STAT1: variants seen among roughly 807,000 people sequenced by gnomAD.
STAT1 encodes the protein signal transducer and activator of transcription 1, also known as signal transducer and activator of transcription 1-alpha/beta.
A neutral mutation model predicts 111.7 loss-of-function variants in STAT1; 24 were observed. That is an observed-to-expected ratio of 0.21 (90% CI 0.16 to 0.30). STAT1 has a LOEUF of 0.30. STAT1 is among the 10% of genes least tolerant of loss of function. The pLI, the probability that STAT1 is intolerant of heterozygous loss-of-function variation, is 1.00. For synonymous variants in STAT1, 332 were observed against 326.5 expected (o/e 1.02, Z -0.18); for missense variants, 351 against 911.9 (o/e 0.38, Z 7.92).
rs1017141035 is a variant in STAT1, at chr2:191,004,712, T to A, written c.372+2851A>T. On this transcript the variant is annotated intron_variant, in intron 5 of 24. Coordinates refer to ENST00000361099, the MANE Select transcript of STAT1 (RefSeq NM_007315.4). This position sits in a 1 kb window ranked among gnomAD's most constrained non-coding sequence, Gnocchi z 5.0. Reference sequence around the variant, plus strand: ...AACTTCAGTGATAGTTTCGAAAGTATTTACTCAAATGAAATAATGTTTATA... The same window carrying A: ...AACTTCAGTGATAGTTTCGAAAGTAATTACTCAAATGAAATAATGTTTATA... 6.6e-6 allele frequency among the ~76,000 whole-genome samples: 1 copy of A among 152,324 alleles called. No individual in the cohort carries two copies. The highest frequency in any genetic ancestry group is 2.1e-4 in the South Asian group (1 of 4,826).
chr2:190,974,870 T>C lies in STAT1; in HGVS notation c.2198A>G (p.Glu733Gly). The C allele has an allele frequency of 6.2e-7, 1 of 1,614,202 alleles. No homozygotes were observed. Among genetic ancestry groups the C allele is most frequent in the Non-Finnish European group, 8.5e-7 (1 of 1,180,010 alleles). The change falls in exon 24 of 25, where the codon GAG (glutamate) becomes GGG (glycine). Residue 733 changes from glutamate (E) to glycine (G), a missense_variant. Around this residue, in one of 7 missense-constraint regions of STAT1, gnomAD observed 181 missense variants for 426.1 expected, o/e 0.42. Coordinates refer to ENST00000361099, the MANE Select transcript of STAT1 (RefSeq NM_007315.4). The surrounding 1 kb of genome is among the most constrained non-coding windows in gnomAD (Gnocchi z 4.8). Reference sequence around the variant, plus strand: ...TACAGAGCCCACTATCCGAGACACCTCGTCAAACTCCTCAGGAGACATGGG... The same window carrying C: ...TACAGAGCCCACTATCCGAGACACCCCGTCAAACTCCTCAGGAGACATGGG... ...LLPMSPEEFD[E>G]VSRIVGSVEF...
chr2:190,971,624 T>C lies in STAT1; in HGVS notation c.2239-907A>G, dbSNP rs560111155. On this transcript the variant is annotated intron_variant, in intron 24 of 24. Coordinates refer to ENST00000361099, the MANE Select transcript of STAT1 (RefSeq NM_007315.4). This position sits in a 1 kb window ranked among gnomAD's most constrained non-coding sequence, Gnocchi z 4.1. The stretch of plus-strand genomic sequence containing the variant: ...ATAGTGTGTGGTACATAGTGGGCTC[T>C]TAGGAAAATTATTTTGGATTGAAAA... Among the ~76,000 whole-genome samples the C allele has an allele frequency of 6.6e-6, 1 of 152,310 alleles. No individual in the cohort carries two copies. Among genetic ancestry groups the C allele is most frequent in the South Asian group, 2.1e-4 (1 of 4,820 alleles).
rs1693802172 is a variant in STAT1, at chr2:190,995,698, G to A, written c.786-479C>T. Among the ~76,000 whole-genome samples the A allele has an allele frequency of 6.6e-6, 1 of 152,218 alleles. No individual in the cohort carries two copies. The highest frequency in any genetic ancestry group is 1.5e-5 in the Non-Finnish European group (1 of 68,042). ...TGCAACACAAAATGTCACCTAGGAT[G>A]CCATGCTCTGCCCTCTAGGGAAAAA... On this transcript the variant is annotated intron_variant, in intron 9 of 24. Coordinates refer to ENST00000361099, the MANE Select transcript of STAT1 (RefSeq NM_007315.4). This position sits in a 1 kb window ranked among gnomAD's most constrained non-coding sequence, Gnocchi z 4.2.
chr2:191,008,632 T>C (rs1022372781), intron 4 of STAT1, among the ~76,000 whole-genome samples: 1 of 152,256 alleles, frequency 6.6e-6, no homozygotes, highest in Non-Finnish European at 1.5e-5. Context: ...CTATAGATCA[T>C]TGCTCTTAAA....
chr2:191,010,473 T>C (rs538637250), intron 2 of STAT1: 7 of 410,642 alleles, frequency 1.7e-5, no homozygotes, highest in African/African-American at 1.0e-4. Context: ...AACCACATAG[T>C]AGGTATCCAA....
Position 190,970,681 on chromosome 2 carries a change from G to A in STAT1, c.*22C>T. ...GATGAGAAGGAAAACTGTCGCCAGA[G>A]AAGATGAAAAAAATTCATGCTCTAT... On this transcript the variant is annotated 3_prime_UTR_variant, in exon 25 of 25. Transcript: ENST00000361099. The surrounding 1 kb of genome is among the most constrained non-coding windows in gnomAD (Gnocchi z 5.4). The A allele has an allele frequency of 1.2e-6, 2 of 1,612,618 alleles. No homozygotes were observed. The highest frequency in any genetic ancestry group is 1.1e-5 in the South Asian group (1 of 91,066).
rs1691804308 is a variant in STAT1 at position 190,975,097 on chromosome 2, T to C, written c.2136-165A>G. On this transcript the variant is annotated intron_variant, in intron 23 of 24. Coordinates refer to ENST00000361099, the MANE Select transcript of STAT1 (RefSeq NM_007315.4). This position sits in a 1 kb window ranked among gnomAD's most constrained non-coding sequence, Gnocchi z 5.9. ...AATACATTTGCAAAAGTACAGCTCA[T>C]GGGAGGCTCATGTCCCCAGCCCAGC... 6.6e-6 allele frequency among the ~76,000 whole-genome samples: 1 copy of C among 152,244 alleles called. No homozygotes were observed. Among genetic ancestry groups the C allele is most frequent in the Non-Finnish European group, 1.5e-5 (1 of 68,038 alleles).
rs778622630 is a variant in STAT1, at chr2:190,989,585, G to A, written c.1097+30C>T. 3.1e-6 allele frequency: 4 copies of A among 1,277,046 alleles called. No individual in the cohort carries two copies. The highest frequency in any genetic ancestry group is 3.0e-5 in the African/African-American group (2 of 66,948). The allele number at this position is 1,277,046 out of a possible 1,614,324, so 79.1% of individuals were successfully genotyped here. On this transcript the variant is annotated intron_variant, in intron 12 of 24. Transcript: ENST00000361099. This position sits in a 1 kb window ranked among gnomAD's most constrained non-coding sequence, Gnocchi z 5.0. The stretch of plus-strand genomic sequence containing the variant: ...CAAAATCAACATTTCAATAGTACAT[G>A]TATGTTATATAATGTTAAAGATATC...
chr2:190,994,485 A>G (rs1342953144), intron 10 of STAT1, among the ~76,000 whole-genome samples: 1 of 151,764 alleles, frequency 6.6e-6, no homozygotes, highest in Non-Finnish European at 1.5e-5. Context: ...GGAGAGGAGG[A>G]GGTGAGGCAT....
At position 190,993,609 on chromosome 2, in the gene STAT1, T is replaced by C. The variant is rs1693569022; in HGVS notation, c.944+1452A>G. 3.4e-6 allele frequency: 2 copies of C among 584,198 alleles called. No individual in the cohort carries two copies. The highest frequency in any genetic ancestry group is 1.9e-5 in the African/African-American group (1 of 53,800). 36.2% of individuals were successfully genotyped at this position (584,198 alleles called of 1,614,324 possible). ...CCGCTGCCACGGCCACCCTTGCTGC[T>C]ACAGCTGCTGCCCTGACTCTCTGCA... is the stretch of plus-strand genomic sequence containing the variant. On this transcript the variant is annotated intron_variant, in intron 10 of 24. Coordinates refer to ENST00000361099, the MANE Select transcript of STAT1 (RefSeq NM_007315.4). This position sits in a 1 kb window ranked among gnomAD's most constrained non-coding sequence, Gnocchi z 4.1.
chr2:190,995,300 G>T lies in STAT1; in HGVS notation c.786-81C>A. On this transcript the variant is annotated intron_variant, in intron 9 of 24. Transcript: ENST00000361099. The surrounding 1 kb of genome is among the most constrained non-coding windows in gnomAD (Gnocchi z 4.2). Reference sequence around the variant, plus strand: ...GATTAAAGGGAATCATGGTATATTAGTCCATTCTCATGCTGCTAATAAAGA... The same window carrying T: ...GATTAAAGGGAATCATGGTATATTATTCCATTCTCATGCTGCTAATAAAGA... 2.2e-6 allele frequency: 3 copies of T among 1,370,860 alleles called. No homozygotes were observed. Among genetic ancestry groups the T allele is most frequent in the South Asian group, 1.2e-5 (1 of 86,182 alleles). 84.9% of individuals were successfully genotyped at this position (1,370,860 alleles called of 1,614,324 possible).
chr2:190,986,963 A>C lies in STAT1; in HGVS notation c.1128-16T>G. 2 of 1,613,800 alleles carry C rather than the reference A, an allele frequency of 1.2e-6. No homozygotes were observed. The highest frequency in any genetic ancestry group is 1.3e-5 in the African/African-American group (1 of 75,060). ...CTTCCTAAATCTATACAATATAGGA[A>C]AGAAATGCTGAAAAGTCTTCCAACT... is the stretch of plus-strand genomic sequence containing the variant. On this transcript the variant is annotated splice_polypyrimidine_tract_variant and intron_variant, in intron 13 of 24. Coordinates refer to ENST00000361099, the MANE Select transcript of STAT1 (RefSeq NM_007315.4). The surrounding 1 kb of genome is among the most constrained non-coding windows in gnomAD (Gnocchi z 5.0).
In STAT1 at chr2:191,007,721, T is replaced by C; in HGVS notation, c.274-60A>G. The C allele has an allele frequency of 8.1e-7, 1 of 1,230,480 alleles. No individual in the cohort carries two copies. The highest frequency in any genetic ancestry group is 1.2e-6 in the Non-Finnish European group (1 of 836,476). 76.2% of individuals were successfully genotyped at this position (1,230,480 alleles called of 1,614,324 possible). The stretch of plus-strand genomic sequence containing the variant: ...AATGCAGAATGTTTACTTTATTGTG[T>C]ATTGTAAGTTGATATGAATTTGTTT... On this transcript the variant is annotated intron_variant, in intron 4 of 24. Transcript: ENST00000361099. This position sits in a 1 kb window ranked among gnomAD's most constrained non-coding sequence, Gnocchi z 4.2.
chr2:190,975,945 C>T lies in STAT1; in HGVS notation c.2060-58G>A. ...CAACCGAAATTCCATCAGAATACAA[C>T]ATCAACTTTTCGGGGGGATTAAAGT... On this transcript the variant is annotated intron_variant, in intron 22 of 24. Coordinates refer to ENST00000361099, the MANE Select transcript of STAT1 (RefSeq NM_007315.4). This position sits in a 1 kb window ranked among gnomAD's most constrained non-coding sequence, Gnocchi z 5.9. 1.4e-6 allele frequency: 2 copies of T among 1,454,670 alleles called. No homozygotes were observed. The highest frequency in any genetic ancestry group is 1.9e-6 in the Non-Finnish European group (2 of 1,036,878). 90.1% of individuals were successfully genotyped at this position (1,454,670 alleles called of 1,614,324 possible). A position where few individuals can be genotyped will look rare whatever the true frequency, so the allele number is the denominator to read the frequency against.
At chr2:190,992,413 C>T (rs1336537546) in intron 10 of STAT1, among the ~76,000 whole-genome samples, 2 of 152,002 alleles carry the variant, frequency 1.3e-5, no homozygotes, top group Non-Finnish European at 2.9e-5. Flanking sequence ...ATTTTATAAA[C>T]CAGCACACAA....
rs1559002637 is a variant in STAT1, at chr2:190,971,173, T to A, written c.2239-456A>T. On this transcript the variant is annotated intron_variant, in intron 24 of 24. Transcript: ENST00000361099. The surrounding 1 kb of genome is among the most constrained non-coding windows in gnomAD (Gnocchi z 4.1). ...CAGGTACAGACTAAAGAAGCAGAAT[T>A]ACTAAGAACCCCTTCACCTTCCCCA... Among the ~76,000 whole-genome samples, 1 of 152,152 alleles carries A rather than the reference T, an allele frequency of 6.6e-6. No individual in the cohort carries two copies. The highest frequency in any genetic ancestry group is 1.5e-5 in the Non-Finnish European group (1 of 68,016).
Position 190,990,874 on chromosome 2 carries a change from G to A in STAT1, c.1037+354C>T, listed in dbSNP as rs1174676979. On this transcript the variant is annotated intron_variant, in intron 11 of 24. Transcript: ENST00000361099. The surrounding 1 kb of genome is among the most constrained non-coding windows in gnomAD (Gnocchi z 5.1). Reference sequence around the variant, plus strand: ...AAATCCACATTCATACAGCTTCTGGGGTTCATAAGGCTCAGGTTATGAGCC... The same window carrying A: ...AAATCCACATTCATACAGCTTCTGGAGTTCATAAGGCTCAGGTTATGAGCC... 6.6e-6 allele frequency among the ~76,000 whole-genome samples: 1 copy of A among 152,032 alleles called. No individual in the cohort carries two copies. Among genetic ancestry groups the A allele is most frequent in the Non-Finnish European group, 1.5e-5 (1 of 68,026 alleles).
rs934229161 is a variant in STAT1 at position 190,986,752 on chromosome 2, A to AG, written c.1221+101dup. On this transcript the variant is annotated intron_variant, in intron 14 of 24. Coordinates refer to ENST00000361099, the MANE Select transcript of STAT1 (RefSeq NM_007315.4). The surrounding 1 kb of genome is among the most constrained non-coding windows in gnomAD (Gnocchi z 5.0). ...AGCCACAAAGTCTACAAACCCCAGC[A>AG]GGGGGGCGTCCTCCACATGGCAATG... 7.2e-5 allele frequency: 83 copies of AG among 1,148,488 alleles called. No homozygotes were observed. Among genetic ancestry groups the AG allele is most frequent in the East Asian group, 1.4e-4 (6 of 42,730 alleles). 71.1% of individuals were successfully genotyped at this position (1,148,488 alleles called of 1,614,324 possible). A position where few individuals can be genotyped will look rare whatever the true frequency, so the allele number is the denominator to read the frequency against.
intron 15 of STAT1, among the ~76,000 whole-genome samples, chr2:190,985,048 G>A (rs539441006): frequency 2.6e-5 from 4 of 152,216 alleles, no homozygotes; most frequent in Admixed American, 6.5e-5. Flanking sequence ...TGGAAGGACT[G>A]CACACTGTGT....
Sources: gnomAD v4.1 joint callset for allele counts (sites outside exome capture counted in the v4.1 genomes callset) on GRCh38, gnomAD v4.1.1 for gene constraint, gnomAD v4.1.1 regional missense constraint, Gnocchi (gnomAD v3.1) non-coding constraint, MANE v1.5 for transcripts, NCBI Gene and HGNC (gene_info 2026-07-23, HGNC 2026-07-21) for gene names.